The following EFCAB6 variants were observed in gnomAD, a reference collection of about 807,000 sequenced individuals.
EFCAB6 encodes EF-hand calcium binding domain 6.
EFCAB6 carries 156 observed loss-of-function variants against 169.8 expected under a neutral mutation model. That is an observed-to-expected ratio of 0.92 (90% CI 0.81 to 1.05). The LOEUF is 1.05. Ranked by LOEUF, EFCAB6 falls within the 50% of genes least tolerant of loss-of-function variation. The probability of loss-of-function intolerance (pLI) is 0.00; values close to 1 mark genes in which losing one functional copy is unlikely to be tolerated. For synonymous variants in EFCAB6, 698 were observed against 676.4 expected, an observed-to-expected ratio of 1.03 and a Z score of -0.50; for missense variants, 1,800 against 1,829.1, an observed-to-expected ratio of 0.98 and a Z score of 0.29.
chr22:43,542,771 A>G (rs1428250727), intron 27 of EFCAB6, among the ~76,000 whole-genome samples: 1 of 152,146 alleles, frequency 6.6e-6, no homozygotes, highest in African/African-American at 2.4e-5. Flanking sequence ...TAACGGCACC[A>G]GGATGGGGGC....
intron 7 of EFCAB6, among the ~76,000 whole-genome samples, chr22:43,735,331 G>A (rs1182743543): frequency 6.8e-6 from 1 of 147,964 alleles, no homozygotes; most frequent in Non-Finnish European, 1.5e-5. Flanking sequence ...CCCTCCTGCC[G>A]CACACCCCAC....
chr22:43,608,170 T>C lies in EFCAB6; in HGVS notation c.2681+312A>G, dbSNP rs559131783. ...TTAAGTCCTTGGAGAGTGACTTGTT[T>C]TGTTAAAACAGTAAAGGTCTGGGCT... On this transcript the variant is annotated intron_variant, in intron 22 of 31. Transcript: ENST00000262726. Among the ~76,000 whole-genome samples, 6 of 152,338 alleles carry C rather than the reference T, an allele frequency of 3.9e-5. No homozygotes were observed. The East Asian group carries it at 1.2e-3, about 29-fold the overall frequency.
chr22:43,550,267 A>G lies in EFCAB6; in HGVS notation c.3648+4602T>C, dbSNP rs543362248. 4.5e-4 allele frequency among the ~76,000 whole-genome samples: 68 copies of G among 152,296 alleles called. 1 individual carries two copies. Among genetic ancestry groups the G allele is most frequent in the African/African-American group, 1.6e-3 (66 of 41,576 alleles). On this transcript the variant is annotated intron_variant, in intron 27 of 31. Coordinates refer to ENST00000262726, the MANE Select transcript of EFCAB6 (RefSeq NM_022785.4). ...ACCTCCTCCAGGGTCACACAGCTGG[A>G]TGAGAGCAGAAGCACGACTGAAACC...
At chr22:43,760,213 A>AG (rs1022174870) in intron 5 of EFCAB6, among the ~76,000 whole-genome samples, 7 of 94,980 alleles carry the variant, frequency 7.4e-5, no homozygotes, top group Non-Finnish European at 1.5e-4. Context: ...CAAAAAAAAA[A>AG]AAAAAAGAAA....
At chr22:43,700,802 T>C (rs970865) in intron 10 of EFCAB6, among the ~76,000 whole-genome samples, 34,540 of 152,184 alleles carry the variant, frequency 0.23, 5,151 homozygotes, top group East Asian at 0.61. Flanking sequence ...ACATGGCTTA[T>C]TCCTTTTTAT....
In EFCAB6 at chr22:43,668,923, A is replaced by G. The variant is rs139683924; in HGVS notation, c.1763T>C (p.Leu588Ser). 6.2e-7 allele frequency: 1 copy of G among 1,612,010 alleles called. No individual in the cohort carries two copies. Among genetic ancestry groups the G allele is most frequent in the East Asian group, 2.2e-5 (1 of 44,802 alleles). ...SPVLVPKDQL[L>S]SEHLQKDEQQ... ...TTCATCTTTTTGTAAATGTTCACTT[A>G]ACAGCTGATCCTTTGGAACAAGAAC... The change falls in exon 16 of 32, where the codon TTA becomes TCA. Residue 588 changes from leucine to serine, a missense_variant. Physicochemically the swap from Leu to Ser is moderately radical, Grantham distance 145 (BLOSUM62 -2). Transcript: ENST00000262726.
At chr22:43,663,842 A>G (rs2057119262) in intron 17 of EFCAB6, among the ~76,000 whole-genome samples, 1 of 152,192 alleles carries the variant, frequency 6.6e-6, no homozygotes, top group South Asian at 2.1e-4. Flanking sequence ...CCCTTGCCGG[A>G]GCCCCAGCAT....
intron 27 of EFCAB6, chr22:43,553,767 C>A (rs946555182): frequency 2.0e-5 from 3 of 152,396 alleles, no homozygotes; most frequent in Non-Finnish European, 1.5e-5. Flanking sequence ...CCATGAAGGG[C>A]CATAGCGGCC....
At chr22:43,587,041 T>C (rs2051123514) in intron 24 of EFCAB6, among the ~76,000 whole-genome samples, 1 of 152,174 alleles carries the variant, frequency 6.6e-6, no homozygotes, top group Non-Finnish European at 1.5e-5. Context: ...ATCTGATATG[T>C]CCTGCAAATA....
At chr22:43,778,280 C>T (rs1022824958) in intron 3 of EFCAB6, among the ~76,000 whole-genome samples, 1 of 152,206 alleles carries the variant, frequency 6.6e-6, no homozygotes, top group African/African-American at 2.4e-5. Flanking sequence ...CCCTCTTGGG[C>T]CTTCCCCCAG....
At chr22:43,758,129 T>C (rs949526038) in intron 5 of EFCAB6, among the ~76,000 whole-genome samples, 19 of 152,078 alleles carry the variant, frequency 1.2e-4, no homozygotes, top group Non-Finnish European at 2.5e-4. Flanking sequence ...AATTTTTCTA[T>C]CCTTTTTCTT....
At chr22:43,585,296 T>TAA (rs963414146) in intron 24 of EFCAB6, among the ~76,000 whole-genome samples, 1 of 144,732 alleles carries the variant, frequency 6.9e-6, no homozygotes, top group African/African-American at 2.5e-5. Flanking sequence ...TGCCAGAAAT[T>TAA]AAAAAAAAAA....
chr22:43,760,082 T>C (rs1393704991), intron 5 of EFCAB6, among the ~76,000 whole-genome samples: 1 of 151,450 alleles, frequency 6.6e-6, no homozygotes, highest in Non-Finnish European at 1.5e-5. Flanking sequence ...CACACACCTG[T>C]AATCCCAGCT....
At chr22:43,644,141 T>C (rs1005886176) in intron 17 of EFCAB6, among the ~76,000 whole-genome samples, 1 of 152,108 alleles carries the variant, frequency 6.6e-6, no homozygotes, top group Non-Finnish European at 1.5e-5. Flanking sequence ...GGCTCCCAAA[T>C]GCAGGTTGGA....
chr22:43,703,588 G>C (rs896504921), intron 10 of EFCAB6, among the ~76,000 whole-genome samples: 39 of 150,780 alleles, frequency 2.6e-4, no homozygotes, highest in African/African-American at 8.8e-4. Context: ...AGAATAGATA[G>C]ACTAAAAAAT....
intron 2 of EFCAB6, among the ~76,000 whole-genome samples, chr22:43,805,818 G>A (rs1274250160): frequency 6.6e-6 from 1 of 152,004 alleles, no homozygotes; most frequent in Non-Finnish European, 1.5e-5. Context: ...ATGTACCCTG[G>A]AGCTATGTAC....
Position 43,540,603 on chromosome 22 carries a change from T to G in EFCAB6, c.3649-246A>C, listed in dbSNP as rs2047658089. 17 of 1,427,794 alleles carry G rather than the reference T, an allele frequency of 1.2e-5. No homozygotes were observed. The South Asian group carries it at 2.0e-4, about 16-fold the overall frequency. 88.4% of individuals were successfully genotyped at this position (1,427,794 alleles called of 1,614,324 possible). A position where few individuals can be genotyped will look rare whatever the true frequency, so the allele number is the denominator to read the frequency against. On this transcript the variant is annotated intron_variant, in intron 27 of 31. Transcript: ENST00000262726. ...TTCTGCAGGACATTTTTTAATTGAA[T>G]TGGGCCCTCAGTGAGCACTTTAAGG...
rs150127128 is a variant in EFCAB6, at chr22:43,740,887, C to T, written c.508-4894G>A. Among the ~76,000 whole-genome samples the T allele has an allele frequency of 3.0e-4, 45 of 152,278 alleles. 1 individual carries two copies. Among genetic ancestry groups the T allele is most frequent in the African/African-American group, 9.6e-4 (40 of 41,548 alleles). On this transcript the variant is annotated intron_variant, in intron 6 of 31. Transcript: ENST00000262726. ...TTTGGTAAAATGGAGGACATGAGCA[C>T]GATGCGCTTTTTTAAAACCCCAGAG...
At chr22:43,712,768 A>C (rs2059205509) in intron 9 of EFCAB6, among the ~76,000 whole-genome samples, 1 of 150,702 alleles carries the variant, frequency 6.6e-6, no homozygotes, top group South Asian at 2.1e-4. Flanking sequence ...TTAATGTCTT[A>C]ATGACATATG....
Sources: gnomAD v4.1 joint callset for allele counts (sites outside exome capture counted in the v4.1 genomes callset) on GRCh38, gnomAD v4.1.1 for gene constraint, MANE v1.5 for transcripts, NCBI Gene and HGNC (gene_info 2026-07-23, HGNC 2026-07-21) for gene names.